PRKCQ: variants seen among roughly 807,000 people sequenced by gnomAD.
PRKCQ encodes protein kinase C theta, also known as protein kinase C theta type.
In PRKCQ, 41 loss-of-function variants were observed where a neutral mutation model predicts 91.2. The observed-to-expected ratio is 0.45, with a 90% CI of 0.35 to 0.58. The LOEUF (loss-of-function observed/expected upper bound fraction) is 0.58. Among genes scored for constraint, PRKCQ ranks in the 20% least tolerant of loss-of-function variants. The pLI is 0.00. For missense variants in PRKCQ, 673 were observed against 896.5 expected, an observed-to-expected ratio of 0.75 and a Z score of 3.18; for synonymous variants, 307 against 316.9, an observed-to-expected ratio of 0.97 and a Z score of 0.33.
At chr10:6,394,584 G>C in the PRKCQ span, among the ~76,000 whole-genome samples, 1 of 152,234 alleles carries the variant, frequency 6.6e-6, no homozygotes, top group South Asian at 2.1e-4. Context: ...TTACGTGCCA[G>C]GGGCACCGGC....
chr10:6,464,258 C>T (rs1317497115), intron 13 of PRKCQ, 55 bp downstream of exon 13: 4 of 1,505,168 alleles, frequency 2.7e-6, no homozygotes, highest in Admixed American at 3.9e-5. Flanking sequence ...AAAAAAAAAC[C>T]AGCAAGAACT....
chr10:6,449,696 A>G (rs1225141572), intron 15 of PRKCQ, among the ~76,000 whole-genome samples: 3 of 152,196 alleles, frequency 2.0e-5, no homozygotes, highest in East Asian at 1.9e-4. Flanking sequence ...AGGTCGGGTT[A>G]CCCACAAAGG....
At chr10:6,448,013 A>G (rs1256319559) in intron 15 of PRKCQ, among the ~76,000 whole-genome samples, 1 of 152,172 alleles carries the variant, frequency 6.6e-6, no homozygotes, top group African/African-American at 2.4e-5. Context: ...GGATGGTGGG[A>G]GGGCAGCCTC....
intron 1 of PRKCQ, among the ~76,000 whole-genome samples, chr10:6,555,015 G>A (rs1331219012): frequency 2.0e-5 from 3 of 152,152 alleles, no homozygotes; most frequent in Non-Finnish European, 4.4e-5. Flanking sequence ...ATCCTAAGTG[G>A]TGAATGCAGG....
At chr10:6,547,180 G>A (rs1027673673) in intron 1 of PRKCQ, among the ~76,000 whole-genome samples, 2 of 152,134 alleles carry the variant, frequency 1.3e-5, no homozygotes, top group East Asian at 1.9e-4. Context: ...TACAAGGGAC[G>A]TGAAGGACCT....
At chr10:6,477,330 G>T (rs1836323495) in intron 12 of PRKCQ, among the ~76,000 whole-genome samples, 1 of 152,230 alleles carries the variant, frequency 6.6e-6, no homozygotes, top group South Asian at 2.1e-4. Flanking sequence ...CACAGCATAT[G>T]CTCAGTAAGT....
chr10:6,467,343 GAGAGAGAGAGAGAC>G (rs1835720003), intron 12 of PRKCQ, among the ~76,000 whole-genome samples: 1 of 131,166 alleles, frequency 7.6e-6, no homozygotes, highest in Non-Finnish European at 1.7e-5. Context: ...GACAGAGAGA[GAGAGAGAGAGAGAC>G]AGAGAGAGAG....
At chr10:6,464,488 C>A in intron 12 of PRKCQ, 84 bp from the exon 13 acceptor site, 1 of 1,227,990 alleles carries the variant, frequency 8.1e-7, no homozygotes, top group South Asian at 1.3e-5. Context: ...CTCACTCTGT[C>A]TCCCAGGCTG....
At chr10:6,402,591 T>C in the PRKCQ span, among the ~76,000 whole-genome samples, 1 of 152,288 alleles carries the variant, frequency 6.6e-6, no homozygotes, top group East Asian at 1.9e-4. Context: ...GTAACTACTT[T>C]TTCTGTTCCG....
intron 11 of PRKCQ, among the ~76,000 whole-genome samples, 161 bp downstream of exon 11, chr10:6,483,279 G>C (rs1163822207): frequency 2.0e-5 from 3 of 152,146 alleles, no homozygotes; most frequent in African/African-American, 7.2e-5. Flanking sequence ...TATGGGCCTA[G>C]AGCCCTCGGG....
At chr10:6,398,695 C>T in the PRKCQ span, among the ~76,000 whole-genome samples, 1 of 152,180 alleles carries the variant, frequency 6.6e-6, no homozygotes, top group Non-Finnish European at 1.5e-5. Context: ...TTTCAGGATG[C>T]TCACAGTAGA....
chr10:6,474,606 G>T (rs1836171211), intron 12 of PRKCQ, among the ~76,000 whole-genome samples: 1 of 152,094 alleles, frequency 6.6e-6, no homozygotes, highest in African/African-American at 2.4e-5. Flanking sequence ...AGAAACTTTG[G>T]ATACTTGAGT....
At chr10:6,486,402 A>G (rs1836921965) in intron 8 of PRKCQ, among the ~76,000 whole-genome samples, 3 of 152,158 alleles carry the variant, frequency 2.0e-5, no homozygotes, top group Admixed American at 6.5e-5. Flanking sequence ...GGGACAGGGC[A>G]GAAGCAGCTT....
At chr10:6,460,844 C>T (rs577297577) in intron 14 of PRKCQ, among the ~76,000 whole-genome samples, 2 of 151,490 alleles carry the variant, frequency 1.3e-5, no homozygotes, top group African/African-American at 2.4e-5. Flanking sequence ...CCATCCATCC[C>T]ATCCATCCAT....
At chr10:6,531,182 A>C (rs1839380139) in intron 1 of PRKCQ, among the ~76,000 whole-genome samples, 1 of 151,724 alleles carries the variant, frequency 6.6e-6, no homozygotes, top group African/African-American at 2.4e-5. Context: ...ATGGAGCTTT[A>C]GCAAGGCCGC....
In PRKCQ at chr10:6,448,914, A is replaced by G. The variant is rs1005919092; in HGVS notation, c.1648-6833T>C. Among the ~76,000 whole-genome samples the G allele has an allele frequency of 3.6e-4, 55 of 152,086 alleles. 1 individual carries two copies. Among genetic ancestry groups the G allele is most frequent in the African/African-American group, 1.3e-3 (52 of 41,448 alleles). ...AAACTAACAAACAGAAAGGACATCC[A>G]CACCAAAAACCCATCTGTACATCAC... On this transcript the variant is annotated intron_variant, in intron 15 of 17. Coordinates refer to ENST00000263125, the MANE Select transcript of PRKCQ (RefSeq NM_006257.5).
chr10:6,484,641 A>G (rs1041910129), intron 10 of PRKCQ, among the ~76,000 whole-genome samples: 38 of 152,186 alleles, frequency 2.5e-4, no homozygotes, highest in Non-Finnish European at 2.4e-4. Flanking sequence ...TTCCAAGGAC[A>G]CTAAGTATTT....
At chr10:6,568,749 C>T (rs371020757) in intron 1 of PRKCQ, among the ~76,000 whole-genome samples, 12 of 152,240 alleles carry the variant, frequency 7.9e-5, no homozygotes, top group African/African-American at 2.4e-4. Context: ...CCGCCCACCT[C>T]GGCCTCCCAA....
chr10:6,523,895 C>T (rs1051207971), intron 1 of PRKCQ, among the ~76,000 whole-genome samples: 8 of 152,162 alleles, frequency 5.3e-5, no homozygotes, highest in South Asian at 2.1e-4. Context: ...TCACACAGCA[C>T]GACTCTCAGT....
Sources: allele counts gnomAD v4.1 joint callset (sites outside exome capture counted in the v4.1 genomes callset), GRCh38; gene constraint gnomAD v4.1.1; transcripts MANE v1.5; gene names NCBI Gene and HGNC (gene_info 2026-07-23, HGNC 2026-07-21).